LLGL2: variants seen among roughly 807,000 people sequenced by gnomAD.
LLGL2 encodes LLGL2, scribble cell polarity complex component.
A neutral mutation model predicts 123.2 loss-of-function variants in LLGL2; 81 were observed. The observed-to-expected ratio is 0.66, with a 90% CI of 0.55 to 0.79. The LOEUF (loss-of-function observed/expected upper bound fraction) is 0.79. LLGL2 is among the 30% of genes least tolerant of loss of function. LLGL2 has a pLI of 0.00. For missense variants in LLGL2, 1,273 were observed against 1,414.6 expected (o/e 0.90, Z 1.61); for synonymous variants, 577 against 594.1 (o/e 0.97, Z 0.42).
At chr17:75,537,021 G>C (rs11870956) in intron 1 of LLGL2, among the ~76,000 whole-genome samples, 31,519 of 151,892 alleles carry the variant, frequency 0.21, 4,987 homozygotes, top group African/African-American at 0.45. Flanking sequence ...CGGGGTTTTG[G>C]CATGTTGGCC....
At chr17:75,573,806 G>A in intron 21 of LLGL2, 146 bp from the exon 22 acceptor site, 2 of 1,192,246 alleles carry the variant, frequency 1.7e-6, no homozygotes, top group Non-Finnish European at 2.4e-6. Context: ...GTGCAAGCTG[G>A]CAGTCCAGGG....
chr17:75,555,588 G>T (rs1163074488), intron 2 of LLGL2, among the ~76,000 whole-genome samples: 3 of 152,172 alleles, frequency 2.0e-5, no homozygotes, highest in Non-Finnish European at 4.4e-5. Context: ...GCAGGGCAGG[G>T]CCTCCGCGGT....
At chr17:75,548,876 G>A (rs80250996) in intron 2 of LLGL2, among the ~76,000 whole-genome samples, 4 of 152,246 alleles carry the variant, frequency 2.6e-5, no homozygotes, top group African/African-American at 7.2e-5. Flanking sequence ...CTAAGGGAGT[G>A]TAATTGCTTC....
In LLGL2 at chr17:75,544,918, G is replaced by T. The variant is rs2054358546; in HGVS notation, c.75+1417G>T. On this transcript the variant is annotated intron_variant, in intron 2 of 25. Transcript: ENST00000392550. The surrounding 1 kb of genome is among the most constrained non-coding windows in gnomAD (Gnocchi z 4.2). The stretch of plus-strand genomic sequence containing the variant: ...TTGGGATATGGGGGTGCAGGTGTTG[G>T]GAATGGGAGATCTCAGGACACCTAC... Among the ~76,000 whole-genome samples the T allele has an allele frequency of 6.6e-6, 1 of 152,138 alleles. No individual in the cohort carries two copies. The highest frequency in any genetic ancestry group is 6.5e-5 in the Admixed American group (1 of 15,276).
In LLGL2 at chr17:75,558,143, G is replaced by A. The variant is rs747969440; in HGVS notation, c.174-12G>A. The A allele has an allele frequency of 1.3e-5, 21 of 1,613,486 alleles. No individual in the cohort carries two copies. Among genetic ancestry groups the A allele is most frequent in the Non-Finnish European group, 1.7e-5 (20 of 1,179,784 alleles). On this transcript the variant is annotated splice_polypyrimidine_tract_variant and intron_variant, in intron 3 of 25. Coordinates refer to ENST00000392550, the MANE Select transcript of LLGL2 (RefSeq NM_001031803.2). This position sits in a 1 kb window ranked among gnomAD's most constrained non-coding sequence, Gnocchi z 4.0. Reference sequence around the variant, plus strand: ...GTCCGACCTTCCAGAGCTTTCCTGAGCCTACTCCTAGCTACGGAGCCCCAG... The same window carrying A: ...GTCCGACCTTCCAGAGCTTTCCTGAACCTACTCCTAGCTACGGAGCCCCAG...
At chr17:75,541,061 G>T (rs1189279880) in intron 1 of LLGL2, among the ~76,000 whole-genome samples, 2 of 152,218 alleles carry the variant, frequency 1.3e-5, no homozygotes, top group African/African-American at 4.8e-5. Flanking sequence ...GCCCCAGGGA[G>T]CATTTGGGTG....
At chr17:75,528,406 C>T (rs1194800924) in intron 1 of LLGL2, among the ~76,000 whole-genome samples, 1 of 152,206 alleles carries the variant, frequency 6.6e-6, no homozygotes, top group East Asian at 1.9e-4. Flanking sequence ...TAAGCCACCG[C>T]GCCCGGCCTT....
In LLGL2 at chr17:75,571,891, C is replaced by T. The variant is rs1208587002; in HGVS notation, c.2294-7C>T. The stretch of plus-strand genomic sequence containing the variant: ...CACCAGCCCCAACACCCACCTCCTC[C>T]CCCTAGCCAAGGAGATCCAGCTGAT... On this transcript the variant is annotated splice_region_variant and splice_polypyrimidine_tract_variant and intron_variant, in intron 18 of 25. Coordinates refer to ENST00000392550, the MANE Select transcript of LLGL2 (RefSeq NM_001031803.2). 18 of 1,611,470 alleles carry T rather than the reference C, an allele frequency of 1.1e-5. No individual in the cohort carries two copies. The highest frequency in any genetic ancestry group is 1.6e-4 in the Middle Eastern group (1 of 6,084).
At position 75,559,939 on chromosome 17, in the gene LLGL2, G is replaced by A. The variant is rs1015106636; in HGVS notation, c.530+529G>A. On this transcript the variant is annotated intron_variant, in intron 6 of 25. Transcript: ENST00000392550. This position sits in a 1 kb window ranked among gnomAD's most constrained non-coding sequence, Gnocchi z 4.6. ...TTAGAGAGGGAGTTGGATCAGGTCC[G>A]GGTGGGAGAAGGGGACGGGGCCCAA... 1.3e-5 allele frequency among the ~76,000 whole-genome samples: 2 copies of A among 152,194 alleles called. No individual in the cohort carries two copies. The highest frequency in any genetic ancestry group is 6.5e-5 in the Admixed American group (1 of 15,278).
rs1358158748 is a variant in LLGL2, at chr17:75,549,032, G to A, written c.75+5531G>A. Among the ~76,000 whole-genome samples the A allele has an allele frequency of 2.0e-5, 3 of 152,266 alleles. No homozygotes were observed. Among genetic ancestry groups the A allele is most frequent in the African/African-American group, 7.2e-5 (3 of 41,550 alleles). ...GGCTTGCACAGCTGGAGCTTATCCG[G>A]GGCAGGGGCACTGGCTGGGGTGAGG... On this transcript the variant is annotated intron_variant, in intron 2 of 25. Coordinates refer to ENST00000392550, the MANE Select transcript of LLGL2 (RefSeq NM_001031803.2). This position sits in a 1 kb window ranked among gnomAD's most constrained non-coding sequence, Gnocchi z 4.0.
intron 16 of LLGL2, 23 bp downstream of exon 16, chr17:75,570,521 G>A (rs1269085965): frequency 1.9e-6 from 3 of 1,553,074 alleles, no homozygotes; most frequent in Admixed American, 1.9e-5. Context: ...GTGAGGCTGC[G>A]GCCGGCCACG....
intron 8 of LLGL2, 92 bp from the exon 9 acceptor site, chr17:75,563,660 A>T: frequency 6.6e-7 from 1 of 1,516,038 alleles, no homozygotes; most frequent in Non-Finnish European, 9.2e-7. Flanking sequence ...TACCATGTGG[A>T]TGTGGCATGA....
chr17:75,551,806 A>G (rs895418806), intron 2 of LLGL2, among the ~76,000 whole-genome samples: 2 of 152,222 alleles, frequency 1.3e-5, no homozygotes, highest in Admixed American at 1.3e-4. Flanking sequence ...TGCATTGTAT[A>G]ATTATTTAAA....
At chr17:75,532,024 A>G (rs1443538000) in intron 1 of LLGL2, among the ~76,000 whole-genome samples, 7 of 147,314 alleles carry the variant, frequency 4.8e-5, no homozygotes, top group African/African-American at 1.7e-4. Context: ...ACAGGACCAT[A>G]TGACTGTAAT....
intron 25 of LLGL2, 65 bp downstream of exon 25, chr17:75,574,733 G>T: frequency 1.3e-6 from 2 of 1,595,012 alleles, no homozygotes; most frequent in Non-Finnish European, 1.7e-6. Flanking sequence ...GAAGAGCCCC[G>T]GCCCCACTCC....
chr17:75,526,026 TTC>T lies in LLGL2; in HGVS notation c.-31+205_-31+206del, dbSNP rs2053553897. ...ACCTGTAGAAAGTTCTGCGGGAAACTTCTCTGCCTGATCTGCGCGATGACTGA... is the reference window on the plus strand; with the variant it reads ...ACCTGTAGAAAGTTCTGCGGGAAACTTCTGCCTGATCTGCGCGATGACTGA... On this transcript the variant is annotated intron_variant, in intron 1 of 25. Coordinates refer to ENST00000392550, the MANE Select transcript of LLGL2 (RefSeq NM_001031803.2). Among the ~76,000 whole-genome samples the T allele has an allele frequency of 2.0e-5, 3 of 152,126 alleles. No individual in the cohort carries two copies. In the South Asian group the frequency reaches 6.2e-4, roughly 31 times the overall value.
At chr17:75,557,126 G>T (rs992175133) in intron 3 of LLGL2, among the ~76,000 whole-genome samples, 1 of 142,404 alleles carries the variant, frequency 7.0e-6, no homozygotes, top group African/African-American at 2.7e-5. Flanking sequence ...CAACTCTCTC[G>T]CCTTGGCCTC....
chr17:75,532,806 A>G (rs1273098801), intron 1 of LLGL2, among the ~76,000 whole-genome samples: 1 of 152,200 alleles, frequency 6.6e-6, no homozygotes, highest in Non-Finnish European at 1.5e-5. Context: ...CAGGGTCCAC[A>G]AGGGTATTCC....
intron 18 of LLGL2, 34 bp from the exon 19 acceptor site, chr17:75,571,864 C>T (rs1470197533): frequency 1.2e-6 from 2 of 1,609,112 alleles, no homozygotes; most frequent in South Asian, 1.1e-5. Context: ...CTGCCACCCC[C>T]TCACCAGCCC....
Sources: gnomAD v4.1 joint callset for allele counts (sites outside exome capture counted in the v4.1 genomes callset) on GRCh38, gnomAD v4.1.1 for gene constraint, Gnocchi (gnomAD v3.1) non-coding constraint, MANE v1.5 for transcripts, NCBI Gene and HGNC (gene_info 2026-07-23, HGNC 2026-07-21) for gene names.